Variants in SIMC1 observed in about 807,000 individuals in gnomAD.
SIMC1 encodes the protein SUMO interacting motifs containing 1.
Under a neutral mutation model 82.3 loss-of-function variants are expected in SIMC1, and 55 were observed. That is an observed-to-expected ratio of 0.67 (90% CI 0.54 to 0.84). The LOEUF is 0.84. Ranked by LOEUF, SIMC1 falls within the 40% of genes least tolerant of loss-of-function variation. The pLI is 0.00. For missense variants in SIMC1, 915 were observed against 1,107.2 expected (o/e 0.83, Z 2.46); for synonymous variants, 353 against 426.3 (o/e 0.83, Z 2.12).
intron 4 of SIMC1, chr5:176,313,259 GT>G: frequency 7.2e-7 from 1 of 1,388,364 alleles, no homozygotes; most frequent in East Asian, 2.6e-5. Flanking sequence ...CTCTTTCTCT[GT>G]TTTGCCATCT....
At chr5:176,271,690 T>C (rs1269509606) in intron 1 of SIMC1, among the ~76,000 whole-genome samples, 2 of 151,476 alleles carry the variant, frequency 1.3e-5, no homozygotes, top group African/African-American at 4.8e-5. Context: ...GTAAGCAATA[T>C]TTTATTATAC....
At chr5:176,285,577 C>T (rs1264407799) in intron 1 of SIMC1, among the ~76,000 whole-genome samples, 3 of 151,852 alleles carry the variant, frequency 2.0e-5, no homozygotes, top group Non-Finnish European at 1.5e-5. Context: ...AAAACTGGCA[C>T]AAGACAGGGA....
chr5:176,255,536 C>T (rs6863879), intron 1 of SIMC1, among the ~76,000 whole-genome samples: 21,073 of 144,848 alleles, frequency 0.15, 1,504 homozygotes, highest in Middle Eastern at 0.23. Context: ...GAGCCAAGAT[C>T]GTGCCACTGC....
At chr5:176,317,865 T>A (rs1764986064) in intron 5 of SIMC1, among the ~76,000 whole-genome samples, 1 of 152,138 alleles carries the variant, frequency 6.6e-6, no homozygotes, top group East Asian at 1.9e-4. Flanking sequence ...AACAAAGAAC[T>A]GGACAAAATG....
At chr5:176,313,203 A>G in intron 4 of SIMC1, 2 of 1,061,356 alleles carry the variant, frequency 1.9e-6, no homozygotes, top group Middle Eastern at 3.7e-4. Context: ...AGTGGACATC[A>G]TGGCGGTTTG....
chr5:176,285,158 A>G (rs575223244), intron 1 of SIMC1, among the ~76,000 whole-genome samples: 2 of 152,312 alleles, frequency 1.3e-5, no homozygotes, highest in Non-Finnish European at 2.9e-5. Context: ...TCATCCTGAT[A>G]CCAAAGCCGG....
intron 4 of SIMC1, among the ~76,000 whole-genome samples, chr5:176,298,008 G>T (rs1763895463): frequency 6.6e-6 from 1 of 152,162 alleles, no homozygotes; most frequent in Non-Finnish European, 1.5e-5. Context: ...CTGCAAGATG[G>T]TAGACTAGGA....
intron 5 of SIMC1, among the ~76,000 whole-genome samples, chr5:176,320,516 G>A (rs1203462017): frequency 2.6e-5 from 4 of 151,944 alleles, no homozygotes; most frequent in East Asian, 1.9e-4. Flanking sequence ...CTACTGGCAC[G>A]TGCCACCACG....
rs867211015 is a variant in SIMC1 at position 176,275,449 on chromosome 5, T to C, written c.130-14205T>C. Among the ~76,000 whole-genome samples, 560 of 151,976 alleles carry C rather than the reference T, an allele frequency of 3.7e-3. 4 individuals are homozygous for C. The highest frequency in any genetic ancestry group is 0.013 in the African/African-American group (532 of 41,522). ...ACAATTTGACTTCCTCTTTTCCTAA[T>C]TGAATACCCTTTATTTCCTTCTCCT... is the stretch of plus-strand genomic sequence containing the variant. On this transcript the variant is annotated intron_variant, in intron 1 of 9. Coordinates refer to ENST00000429602, the MANE Select transcript of SIMC1 (RefSeq NM_001308195.2).
chr5:176,329,759 A>G (rs576112395), intron 7 of SIMC1, among the ~76,000 whole-genome samples: 1 of 152,338 alleles, frequency 6.6e-6, no homozygotes, highest in African/African-American at 2.4e-5. Flanking sequence ...TGTGTATTCT[A>G]GGATTAAACA....
chr5:176,242,898 A>G (rs1465910298), intron 1 of SIMC1, among the ~76,000 whole-genome samples: 2 of 152,094 alleles, frequency 1.3e-5, no homozygotes, highest in Non-Finnish European at 2.9e-5. Flanking sequence ...AACACTATAA[A>G]TGTAATGTCA....
intron 9 of SIMC1, among the ~76,000 whole-genome samples, chr5:176,343,572 G>A (rs550072074): frequency 2.8e-4 from 43 of 152,206 alleles, no homozygotes; most frequent in Admixed American, 6.5e-4. Context: ...TACCGTTTAC[G>A]CTGATTCATT....
At chr5:176,289,581 T>A in intron 1 of SIMC1, 73 bp from the exon 2 acceptor site, 2 of 1,223,378 alleles carry the variant, frequency 1.6e-6, no homozygotes, top group Non-Finnish European at 2.2e-6. Context: ...CCTTAAAAGC[T>A]AAGACTTAAG....
chr5:176,264,998 A>G (rs1193662571), intron 1 of SIMC1, among the ~76,000 whole-genome samples: 1 of 152,096 alleles, frequency 6.6e-6, no homozygotes, highest in Non-Finnish European at 1.5e-5. Context: ...GGGAGATACC[A>G]TTTCTACAAA....
At chr5:176,328,435 AGTGGTGGTG>A (rs907493118) in intron 7 of SIMC1, among the ~76,000 whole-genome samples, 1 of 151,924 alleles carries the variant, frequency 6.6e-6, no homozygotes, top group African/African-American at 2.4e-5. Context: ...TAATGGTGGC[AGTGGTGGTG>A]GTGGTGGTAA....
chr5:176,284,494 A>C (rs559129037), intron 1 of SIMC1, among the ~76,000 whole-genome samples: 1 of 152,230 alleles, frequency 6.6e-6, no homozygotes. Context: ...AAGACACAAC[A>C]TACCAGAATC....
chr5:176,271,867 A>G (rs140117236), intron 1 of SIMC1, among the ~76,000 whole-genome samples: 3,018 of 144,426 alleles, frequency 0.021, 49 homozygotes, highest in Middle Eastern at 0.065. Flanking sequence ...TATATTATAT[A>G]TAATATATAA....
At position 176,345,543 on chromosome 5, in the gene SIMC1, G is replaced by A. The variant is rs1766426390; in HGVS notation, c.*98G>A. The A allele has an allele frequency of 7.5e-7, 1 of 1,331,668 alleles. No homozygotes were observed. The highest frequency in any genetic ancestry group is 1.0e-6 in the Non-Finnish European group (1 of 989,598). The allele number at this position is 1,331,668 out of a possible 1,614,324, so 82.5% of individuals were successfully genotyped here. On this transcript the variant is annotated 3_prime_UTR_variant, in exon 10 of 10. Transcript: ENST00000429602. ...ATGAAAAGTGGTTAAAATCTTACAG[G>A]ACCAAACCTGCATTATTTAATCAGT...
intron 1 of SIMC1, among the ~76,000 whole-genome samples, chr5:176,260,562 C>G (rs1424039218): frequency 6.6e-6 from 1 of 151,836 alleles, no homozygotes; most frequent in African/African-American, 2.4e-5. Flanking sequence ...AATCCTCTTG[C>G]ATGGTCATTA....
Sources: allele counts gnomAD v4.1 joint callset (sites outside exome capture counted in the v4.1 genomes callset), GRCh38; gene constraint gnomAD v4.1.1; transcripts MANE v1.5; gene names NCBI Gene and HGNC (gene_info 2026-07-23, HGNC 2026-07-21).